GRAMD4: variants seen among roughly 807,000 people sequenced by gnomAD.
GRAMD4 encodes the protein GRAM domain containing 4.
In GRAMD4, 25 loss-of-function variants were observed where a neutral mutation model predicts 83.9. The ratio of observed to expected loss-of-function variants is 0.30; its 90% confidence interval spans 0.22 to 0.42. The LOEUF (loss-of-function observed/expected upper bound fraction) is 0.42. GRAMD4 is among the 10% of genes least tolerant of loss of function. The probability of loss-of-function intolerance (pLI) is 1.00; values close to 1 mark genes in which losing one functional copy is unlikely to be tolerated. For synonymous variants in GRAMD4, 336 were observed against 320.9 expected, an observed-to-expected ratio of 1.05 and a Z score of -0.50; for missense variants, 593 against 788.7, an observed-to-expected ratio of 0.75 and a Z score of 2.97.
chr22:46,663,428 C>G (rs1218135745), intron 6 of GRAMD4, among the ~76,000 whole-genome samples: 1 of 152,206 alleles, frequency 6.6e-6, no homozygotes. Flanking sequence ...TGTGGGGACT[C>G]ATGGGGCTCA....
At chr22:46,578,122 C>T (rs577726900) in intron 1 of GRAMD4, among the ~76,000 whole-genome samples, 1 of 152,200 alleles carries the variant, frequency 6.6e-6, no homozygotes, top group South Asian at 2.1e-4. Flanking sequence ...TATTGTCAAC[C>T]CTGCATCTCC....
chr22:46,646,840 A>G (rs1407001103), intron 3 of GRAMD4, among the ~76,000 whole-genome samples: 3 of 152,222 alleles, frequency 2.0e-5, no homozygotes, highest in South Asian at 4.1e-4. Flanking sequence ...ACAGTTCCAC[A>G]TGGCTGGGGA....
chr22:46,648,967 G>GATGGATGC (rs1569288763), intron 3 of GRAMD4, among the ~76,000 whole-genome samples: 3 of 141,354 alleles, frequency 2.1e-5, no homozygotes, highest in African/African-American at 8.4e-5. Flanking sequence ...TGGATGGATG[G>GATGGATGC]ATGGATGGAT....
At chr22:46,658,363 C>A in intron 4 of GRAMD4, 56 bp downstream of exon 4, 1 of 1,484,602 alleles carries the variant, frequency 6.7e-7, no homozygotes, top group Non-Finnish European at 9.1e-7. Flanking sequence ...ACCCCCCACC[C>A]CACCCGCCCC....
At chr22:46,639,068 A>G (rs1284020084) in intron 3 of GRAMD4, among the ~76,000 whole-genome samples, 1 of 152,196 alleles carries the variant, frequency 6.6e-6, no homozygotes, top group Non-Finnish European at 1.5e-5. Context: ...GTGTATGTAC[A>G]GCACTGGACT....
chr22:46,610,284 G>A (rs974822950), intron 1 of GRAMD4, among the ~76,000 whole-genome samples: 1 of 152,234 alleles, frequency 6.6e-6, no homozygotes, highest in African/African-American at 2.4e-5. Context: ...CCCTGTCCCT[G>A]GCGTGGGTTA....
rs2081915594 is a variant in GRAMD4 at position 46,637,970 on chromosome 22, A to C, written c.283+10A>C. 6.2e-7 allele frequency: 1 copy of C among 1,612,636 alleles called. No individual in the cohort carries two copies. Among genetic ancestry groups the C allele is most frequent in the Non-Finnish European group, 8.5e-7 (1 of 1,179,018 alleles). On this transcript the variant is annotated intron_variant, in intron 3 of 18. Coordinates refer to ENST00000406902, the MANE Select transcript of GRAMD4 (RefSeq NM_015124.5). Reference sequence around the variant, plus strand: ...GAAAAACATTTCTTACGTGAGTACCAGAAAGCGCTTGGAGGGGATGGGACA... The same window carrying C: ...GAAAAACATTTCTTACGTGAGTACCCGAAAGCGCTTGGAGGGGATGGGACA...
At chr22:46,594,858 G>T (rs530289033) in intron 1 of GRAMD4, among the ~76,000 whole-genome samples, 2 of 152,066 alleles carry the variant, frequency 1.3e-5, no homozygotes, top group African/African-American at 2.4e-5. Context: ...GTTCTGAAGC[G>T]CTCTGGAGTG....
downstream of GRAMD4, chr22:46,682,557 C>A: frequency 2.7e-6 from 1 of 368,380 alleles, no homozygotes; most frequent in Non-Finnish European, 3.8e-6. Flanking sequence ...GTGACGGCCA[C>A]TCCTGCGGTG....
intron 1 of GRAMD4, among the ~76,000 whole-genome samples, chr22:46,602,976 C>T (rs571134466): frequency 1.1e-4 from 17 of 151,910 alleles, no homozygotes; most frequent in South Asian, 2.1e-4. Context: ...CTCCTGATCT[C>T]GCTATCTGCC....
intron 3 of GRAMD4, 106 bp from the exon 4 acceptor site, chr22:46,658,081 A>G: frequency 7.2e-7 from 1 of 1,393,292 alleles, no homozygotes; most frequent in Non-Finnish European, 1.0e-6. Flanking sequence ...CTTACGGAGC[A>G]GAGACCCCTC....
intron 1 of GRAMD4, among the ~76,000 whole-genome samples, chr22:46,584,900 C>G (rs947134119): frequency 2.6e-5 from 4 of 152,192 alleles, no homozygotes; most frequent in Admixed American, 1.3e-4. Flanking sequence ...GAAAGGCTGC[C>G]GGCGGGACGC....
downstream of GRAMD4, among the ~76,000 whole-genome samples, chr22:46,682,138 CG>C (rs991729415): frequency 5.9e-5 from 9 of 152,178 alleles, no homozygotes; most frequent in African/African-American, 2.2e-4. Context: ...CTGGGGCCCT[CG>C]GGTCCACGTC....
At chr22:46,615,032 T>C (rs1408040075) in intron 1 of GRAMD4, among the ~76,000 whole-genome samples, 1 of 72,236 alleles carries the variant, frequency 1.4e-5, no homozygotes, top group African/African-American at 5.7e-5. Flanking sequence ...GGTTCCCCCG[T>C]GTGTAGGTTC....
At position 46,677,473 on chromosome 22, in the gene GRAMD4, G is replaced by A. The variant is rs977583355; in HGVS notation, c.*222G>A. ...GCCCCTCTCCCACAGGGCACGTCAG[G>A]TGCCTCTGAGGGCCACCCGCAGACT... is the stretch of plus-strand genomic sequence containing the variant. On this transcript the variant is annotated 3_prime_UTR_variant, in exon 19 of 19. Coordinates refer to ENST00000406902, the MANE Select transcript of GRAMD4 (RefSeq NM_015124.5). 1.7e-5 allele frequency: 22 copies of A among 1,312,418 alleles called. 1 individual carries two copies. In the East Asian group the frequency reaches 2.3e-4, roughly 14 times the overall value. The allele number at this position is 1,312,418 out of a possible 1,614,324, so 81.3% of individuals were successfully genotyped here.
chr22:46,633,111 C>T (rs1330298319), intron 2 of GRAMD4, among the ~76,000 whole-genome samples: 2 of 152,218 alleles, frequency 1.3e-5, no homozygotes, highest in Non-Finnish European at 2.9e-5. Context: ...CCCAGGCTGA[C>T]GTGCTGGAAC....
chr22:46,681,673 G>A (rs760985716), downstream of GRAMD4, among the ~76,000 whole-genome samples: 9 of 152,228 alleles, frequency 5.9e-5, no homozygotes, highest in African/African-American at 1.7e-4. Flanking sequence ...GTGGGGGTGC[G>A]TCAGGGAGAG....
At chr22:46,636,731 C>G (rs770218816) in intron 2 of GRAMD4, among the ~76,000 whole-genome samples, 7 of 152,238 alleles carry the variant, frequency 4.6e-5, no homozygotes, top group Non-Finnish European at 7.3e-5. Context: ...TGGAGGGCGA[C>G]TGTGTGGCAT....
At chr22:46,640,711 G>A (rs1209810427) in intron 3 of GRAMD4, among the ~76,000 whole-genome samples, 3 of 152,068 alleles carry the variant, frequency 2.0e-5, no homozygotes, top group Non-Finnish European at 4.4e-5. Context: ...AGAGTGTCAT[G>A]GGCCTCCCTG....
Sources: allele counts gnomAD v4.1 joint callset (sites outside exome capture counted in the v4.1 genomes callset), GRCh38; gene constraint gnomAD v4.1.1; transcripts MANE v1.5; gene names NCBI Gene and HGNC (gene_info 2026-07-23, HGNC 2026-07-21).